AMOTL1: variants seen among roughly 807,000 people sequenced by gnomAD.
AMOTL1 encodes angiomotin-like protein 1.
AMOTL1 carries 45 observed loss-of-function variants against 102.9 expected under a neutral mutation model. That is an observed-to-expected ratio of 0.44 (90% CI 0.34 to 0.56). AMOTL1 has a LOEUF of 0.56. Among genes scored for constraint, AMOTL1 ranks in the 20% least tolerant of loss-of-function variants. The probability of loss-of-function intolerance (pLI) is 0.01; values close to 1 mark genes in which losing one functional copy is unlikely to be tolerated. For synonymous variants in AMOTL1, 481 were observed against 484.7 expected, an observed-to-expected ratio of 0.99 and a Z score of 0.10; for missense variants, 1,114 against 1,225.6, an observed-to-expected ratio of 0.91 and a Z score of 1.36.
At chr11:94,721,538 A>T (rs558889626) in intron 1 of AMOTL1, among the ~76,000 whole-genome samples, 3 of 152,108 alleles carry the variant, frequency 2.0e-5, no homozygotes, top group African/African-American at 7.2e-5. Context: ...CCCATGATGG[A>T]ATTGGTATCC....
At chr11:94,819,380 C>T (rs904826221) in intron 3 of AMOTL1, among the ~76,000 whole-genome samples, 5 of 152,204 alleles carry the variant, frequency 3.3e-5, no homozygotes, top group African/African-American at 1.2e-4. Flanking sequence ...AGGACAGACA[C>T]AACACAAAGT....
Position 94,733,597 on chromosome 11 carries a change from A to C in AMOTL1, c.85+4542A>C, listed in dbSNP as rs370722844. Among the ~76,000 whole-genome samples, 7 of 152,360 alleles carry C rather than the reference A, an allele frequency of 4.6e-5. No homozygotes were observed. The East Asian group carries it at 1.2e-3, about 25-fold the overall frequency. On this transcript the variant is annotated intron_variant, in intron 2 of 4. Coordinates refer to the AMOTL1 transcript ENST00000299004. The stretch of plus-strand genomic sequence containing the variant: ...TCGATTTGCAGCTCTGAAAGAAGCA[A>C]TTCCCCCTCAGGCCTCTGCCTTAGA...
rs939343326 is a variant in AMOTL1, at chr11:94,823,455, G to A, written c.1413+1634G>A. Among the ~76,000 whole-genome samples the A allele has an allele frequency of 4.6e-5, 7 of 152,252 alleles. No individual in the cohort carries two copies. In the East Asian group the frequency reaches 5.8e-4, roughly 13 times the overall value. On this transcript the variant is annotated intron_variant, in intron 4 of 12. Transcript: ENST00000433060. Reference sequence around the variant, plus strand: ...CCTATAAGATGCTGCACAGGCCCAAGCTTGCCTCTGTCATTTTTGGGCAGC... The same window carrying A: ...CCTATAAGATGCTGCACAGGCCCAAACTTGCCTCTGTCATTTTTGGGCAGC...
Position 94,875,868 on chromosome 11 carries a change from C to T in AMOTL1, c.*5073C>T, listed in dbSNP as rs1953086575. ...TCTCTTGCCATGCCTCCTATGTGTT[C>T]ACATCTCTGCATACACTACAGATAT... is the stretch of plus-strand genomic sequence containing the variant. On this transcript the variant is annotated 3_prime_UTR_variant, in exon 13 of 13. Transcript: ENST00000433060. 1 of 152,390 alleles carries T rather than the reference C, an allele frequency of 6.6e-6. No individual in the cohort carries two copies. Among genetic ancestry groups the T allele is most frequent in the South Asian group, 2.1e-4 (1 of 4,826 alleles). 9.4% of individuals were successfully genotyped at this position (152,390 alleles called of 1,614,324 possible).
intron 4 of AMOTL1, among the ~76,000 whole-genome samples, chr11:94,823,629 G>A (rs1348527832): frequency 6.6e-6 from 1 of 152,020 alleles, no homozygotes; most frequent in Non-Finnish European, 1.5e-5. Flanking sequence ...TGGTGCTGGG[G>A]TTTTTCCCAT....
rs371482808 is a variant in AMOTL1, at chr11:94,821,824, G to A, written c.1413+3G>A. 1.2e-6 allele frequency: 2 copies of A among 1,612,522 alleles called. No homozygotes were observed. The highest frequency in any genetic ancestry group is 3.3e-5 in the Admixed American group (2 of 60,002). On this transcript the variant is annotated splice_donor_region_variant and intron_variant, in intron 4 of 12. Transcript: ENST00000433060. ...ACAATGCCGACAAGCTCCACAAGGT[G>A]CGTGACTTCCCTGGGGAATGGGAGG...
rs959581474 is a variant in AMOTL1 at position 94,800,653 on chromosome 11, T to C, written c.1121+342T>C. Among the ~76,000 whole-genome samples the C allele has an allele frequency of 1.1e-4, 16 of 152,184 alleles. 1 individual carries two copies. The highest frequency in any genetic ancestry group is 9.8e-4 in the Admixed American group (15 of 15,280). The stretch of plus-strand genomic sequence containing the variant: ...CCGTCCAAACTCCTGGAACATATTA[T>C]TACCAGAGGGTTTTATAGTCTTTTT... On this transcript the variant is annotated intron_variant, in intron 3 of 12. Transcript: ENST00000433060.
intron 6 of AMOTL1, among the ~76,000 whole-genome samples, chr11:94,847,044 T>TA (rs1338133580): frequency 3.3e-5 from 5 of 152,346 alleles, no homozygotes; most frequent in Admixed American, 3.3e-4. Context: ...GTGTGAGTGA[T>TA]ACTAAATGGT....
At chr11:94,787,687 CAAAAAAAAAAAAAAAAAAAAAA>C (rs59563004) in intron 1 of AMOTL1, among the ~76,000 whole-genome samples, 1 of 57,544 alleles carries the variant, frequency 1.7e-5, no homozygotes, top group Non-Finnish European at 2.8e-5. Context: ...AACTCCGTCT[CAAAAAAAAAAAAAAAAAAAAAA>C]AAAAAAAAAA....
chr11:94,811,322 G>A (rs916873026), intron 3 of AMOTL1, among the ~76,000 whole-genome samples: 3 of 151,842 alleles, frequency 2.0e-5, no homozygotes, highest in African/African-American at 7.3e-5. Context: ...GTGAAACCCC[G>A]TCTCTACTAA....
chr11:94,748,365 A>G (rs1332196692), intron 3 of AMOTL1, among the ~76,000 whole-genome samples: 1 of 152,204 alleles, frequency 6.6e-6, no homozygotes, highest in Non-Finnish European at 1.5e-5. Flanking sequence ...TGAAAGCTGC[A>G]CACATCTAAT....
At chr11:94,807,780 A>G (rs1030110674) in intron 3 of AMOTL1, among the ~76,000 whole-genome samples, 1 of 151,420 alleles carries the variant, frequency 6.6e-6, no homozygotes, top group African/African-American at 2.4e-5. Context: ...GGCTCTTCAG[A>G]GGACTGACTC....
chr11:94,754,201 G>A (rs1471668708), intron 3 of AMOTL1, among the ~76,000 whole-genome samples: 4 of 152,122 alleles, frequency 2.6e-5, no homozygotes, highest in Non-Finnish European at 5.9e-5. Context: ...GGGGGACATG[G>A]GACCCCAGAG....
intron 2 of AMOTL1, among the ~76,000 whole-genome samples, chr11:94,740,033 A>G (rs1950495235): frequency 3.9e-5 from 6 of 152,266 alleles, no homozygotes; most frequent in Non-Finnish European, 7.4e-5. Flanking sequence ...TACCCCTACC[A>G]TAATGATGTC....
intron 3 of AMOTL1, among the ~76,000 whole-genome samples, chr11:94,751,647 G>A (rs1366578138): frequency 6.6e-6 from 1 of 151,422 alleles, no homozygotes; most frequent in African/African-American, 2.4e-5. Flanking sequence ...GAATGGAGTA[G>A]GAAGGGGGAA....
At chr11:94,814,495 A>G (rs1951733040) in intron 3 of AMOTL1, among the ~76,000 whole-genome samples, 1 of 152,228 alleles carries the variant, frequency 6.6e-6, no homozygotes, top group South Asian at 2.1e-4. Flanking sequence ...GTACAAGCAG[A>G]TCTGAGCTTA....
At chr11:94,805,561 T>G (rs1456668235) in intron 3 of AMOTL1, among the ~76,000 whole-genome samples, 5 of 152,210 alleles carry the variant, frequency 3.3e-5, no homozygotes, top group Non-Finnish European at 7.3e-5. Flanking sequence ...GAATGACTCC[T>G]GTCAATGAAA....
chr11:94,803,192 A>G (rs1951508930), intron 3 of AMOTL1, among the ~76,000 whole-genome samples: 1 of 152,212 alleles, frequency 6.6e-6, no homozygotes, highest in Non-Finnish European at 1.5e-5. Context: ...GAGACAAGTG[A>G]TAGAACTTAT....
intron 3 of AMOTL1, among the ~76,000 whole-genome samples, chr11:94,804,978 A>T (rs751932965): frequency 3.9e-5 from 6 of 152,320 alleles, no homozygotes; most frequent in Non-Finnish European, 8.8e-5. Flanking sequence ...ATTTTTACAT[A>T]CAATAAAAAC....
Sources: gnomAD v4.1 joint callset for allele counts (sites outside exome capture counted in the v4.1 genomes callset) on GRCh38, gnomAD v4.1.1 for gene constraint, MANE v1.5 for transcripts, NCBI Gene and HGNC (gene_info 2026-07-23, HGNC 2026-07-21) for gene names.